The following DNMBP variants were observed in gnomAD, a reference collection of about 807,000 sequenced individuals.
DNMBP encodes dynamin-binding protein.
Under a neutral mutation model 150.0 loss-of-function variants are expected in DNMBP, and 87 were observed. The ratio of observed to expected loss-of-function variants is 0.58; its 90% CI spans 0.49 to 0.69. DNMBP has a LOEUF of 0.69. Ranked by LOEUF, DNMBP falls within the 30% of genes least tolerant of loss-of-function variation. The probability of loss-of-function intolerance (pLI) is 0.00; values close to 1 mark genes in which losing one functional copy is unlikely to be tolerated. For missense variants in DNMBP, 1,774 were observed against 1,949.0 expected (o/e 0.91, Z 1.69); for synonymous variants, 711 against 750.4 (o/e 0.95, Z 0.86).
At chr10:99,943,766 A>G (rs4919402) in intron 4 of DNMBP, among the ~76,000 whole-genome samples, 57,584 of 152,038 alleles carry the variant, frequency 0.38, 11,185 homozygotes, top group African/African-American at 0.45. Flanking sequence ...TTGCTTCTGC[A>G]TATAAAACAG....
At chr10:99,908,870 G>T in intron 5 of DNMBP, 83 bp downstream of exon 5, 3 of 1,255,250 alleles carry the variant, frequency 2.4e-6, no homozygotes, top group Non-Finnish European at 3.3e-6. Context: ...CAATAAATCT[G>T]TGGCGAAAGC....
rs1214716617 is a variant in DNMBP, at chr10:99,901,233, G to GTACT, written c.2555-1171_2555-1168dup. ...TTACAGGTGTGAGCCCCAGCCATAT[G>GTACT]TACTTCTTTATAAGGTATTAAATAA... On this transcript the variant is annotated intron_variant, in intron 6 of 16. Coordinates refer to ENST00000324109, the MANE Select transcript of DNMBP (RefSeq NM_015221.4). Among the ~76,000 whole-genome samples, 9 of 152,348 alleles carry GTACT rather than the reference G, an allele frequency of 5.9e-5. No individual in the cohort carries two copies. In the South Asian group the frequency reaches 1.7e-3, roughly 28 times the overall value.
At chr10:99,962,421 G>A (rs1197518234) in intron 3 of DNMBP, among the ~76,000 whole-genome samples, 2 of 152,216 alleles carry the variant, frequency 1.3e-5, no homozygotes, top group Non-Finnish European at 2.9e-5. Flanking sequence ...CACGAGGTCA[G>A]GAGATTGAGA....
chr10:99,901,797 G>C (rs1164626333), intron 6 of DNMBP, among the ~76,000 whole-genome samples: 1 of 152,106 alleles, frequency 6.6e-6, no homozygotes, highest in African/African-American at 2.4e-5. Flanking sequence ...CCTACCAGCT[G>C]TCCAGGCACG....
intron 11 of DNMBP, among the ~76,000 whole-genome samples, chr10:99,892,228 T>C (rs2039582703): frequency 6.6e-6 from 1 of 150,512 alleles, no homozygotes; most frequent in South Asian, 2.2e-4. Context: ...GGGGCGCCTC[T>C]GCCCGGCCAC....
At chr10:99,954,543 G>C (rs1012540858) in intron 4 of DNMBP, among the ~76,000 whole-genome samples, 1 of 149,878 alleles carries the variant, frequency 6.7e-6, no homozygotes, top group Admixed American at 6.6e-5. Flanking sequence ...TCAGGAGTTC[G>C]AGACCAGCCT....
At chr10:99,892,872 T>G (rs1379280710) in intron 11 of DNMBP, among the ~76,000 whole-genome samples, 1 of 152,216 alleles carries the variant, frequency 6.6e-6, no homozygotes. Flanking sequence ...TTTAAACTCT[T>G]AAGCGGAGAA....
Position 99,880,375 on chromosome 10 carries a change from AG to A in DNMBP, c.3998-15del, listed in dbSNP as rs1323142943. ...AGCCTTTGGTGACTACAAAGGAAAC[AG>A]GAAATATAAACAAGAACTCTTAGCA... On this transcript the variant is annotated splice_polypyrimidine_tract_variant and intron_variant, in intron 15 of 16. Coordinates refer to ENST00000324109, the MANE Select transcript of DNMBP (RefSeq NM_015221.4). 1.3e-6 allele frequency: 2 copies of A among 1,547,914 alleles called. No individual in the cohort carries two copies. The highest frequency in any genetic ancestry group is 2.3e-5 in the East Asian group (1 of 44,196).
chr10:99,877,108 C>A lies in DNMBP; in HGVS notation c.*43G>T. 2.6e-6 allele frequency: 4 copies of A among 1,560,568 alleles called. No individual in the cohort carries two copies. The highest frequency in any genetic ancestry group is 1.9e-5 in the Admixed American group (1 of 52,724). On this transcript the variant is annotated 3_prime_UTR_variant, in exon 17 of 17. Transcript: ENST00000324109. ...GTGGGCCGCCAGAACCCTCGGCGGA[C>A]TGAAAGCAAAGGCAGCAAGGCTGGG...
chr10:99,982,793 AAT>A (rs2040792355), intron 1 of DNMBP, among the ~76,000 whole-genome samples: 1 of 152,082 alleles, frequency 6.6e-6, no homozygotes, highest in Non-Finnish European at 1.5e-5. Context: ...TCTCTACAAA[AAT>A]ATAAAAATTA....
At chr10:99,881,655 A>G (rs1488307502) in intron 15 of DNMBP, among the ~76,000 whole-genome samples, 2 of 152,244 alleles carry the variant, frequency 1.3e-5, no homozygotes, top group African/African-American at 4.8e-5. Context: ...AGGATGGAGC[A>G]GTTTCTTAAA....
intron 4 of DNMBP, chr10:99,927,030 C>T (rs1175530191): frequency 1.3e-5 from 2 of 152,310 alleles, no homozygotes; most frequent in African/African-American, 4.8e-5. Context: ...CAGATGGAGG[C>T]CTCAGGAGAA....
Position 99,976,523 on chromosome 10 carries a change from T to G in DNMBP, c.-10-4389A>C, listed in dbSNP as rs1395955580. ...TTCCACGCCCTTGCTATATTGCTGTTTATGATCTGCTATGGAGGGGAGACC... is the reference window on the plus strand; with the variant it reads ...TTCCACGCCCTTGCTATATTGCTGTGTATGATCTGCTATGGAGGGGAGACC... On this transcript the variant is annotated intron_variant, in intron 1 of 16. Coordinates refer to ENST00000324109, the MANE Select transcript of DNMBP (RefSeq NM_015221.4). Among the ~76,000 whole-genome samples the G allele has an allele frequency of 9.2e-5, 14 of 152,326 alleles. No individual in the cohort carries two copies. The East Asian group carries it at 2.7e-3, about 29-fold the overall frequency.
rs1806331 is a variant in DNMBP, at chr10:99,936,317, A to G, written c.2260+18897T>C. ...GACAGATGCTAACTGTTCAGCTTAC[A>G]TTTTGTGAGGATAACCTGAAAATTG... On this transcript the variant is annotated intron_variant, in intron 4 of 16. Transcript: ENST00000324109. Among the ~76,000 whole-genome samples the G allele has an allele frequency of 3.9e-4, 59 of 152,228 alleles. 1 individual carries two copies. Among genetic ancestry groups the G allele is most frequent in the South Asian group, 1.5e-3 (7 of 4,824 alleles).
chr10:99,988,611 A>T (rs1013505016), intron 1 of DNMBP, among the ~76,000 whole-genome samples: 1 of 150,580 alleles, frequency 6.6e-6, no homozygotes, highest in Non-Finnish European at 1.5e-5. Context: ...ATTTGTCCCC[A>T]CTCCTCTAGC....
At chr10:99,934,002 T>A (rs528562566) in intron 4 of DNMBP, among the ~76,000 whole-genome samples, 1 of 151,942 alleles carries the variant, frequency 6.6e-6, no homozygotes, top group East Asian at 1.9e-4. Context: ...TCCCAAAGTG[T>A]TGGGATTACA....
chr10:99,879,782 CCA>C (rs775160894), intron 16 of DNMBP, 27 bp downstream of exon 16: 18 of 1,608,928 alleles, frequency 1.1e-5, no homozygotes, highest in Non-Finnish European at 1.5e-5. Flanking sequence ...GCCGCCTGTG[CCA>C]CAGTGGCAGG....
chr10:99,897,000 G>A (rs1658497040), intron 9 of DNMBP, among the ~76,000 whole-genome samples: 1 of 152,224 alleles, frequency 6.6e-6, no homozygotes, highest in African/African-American at 2.4e-5. Context: ...GAAAGGGCTG[G>A]ATGACCAGAG....
chr10:99,890,461 C>T (rs1468619284), intron 11 of DNMBP, among the ~76,000 whole-genome samples: 1 of 152,100 alleles, frequency 6.6e-6, no homozygotes, highest in Admixed American at 6.6e-5. Context: ...ATATCCCAAC[C>T]CAAAATGTAT....
Sources: gnomAD v4.1 joint callset for allele counts (sites outside exome capture counted in the v4.1 genomes callset) on GRCh38, gnomAD v4.1.1 for gene constraint, MANE v1.5 for transcripts, NCBI Gene and HGNC (gene_info 2026-07-23, HGNC 2026-07-21) for gene names.